KCNQ5: variants seen among roughly 807,000 people sequenced by gnomAD.
KCNQ5 encodes the protein potassium voltage-gated channel subfamily KQT member 5.
KCNQ5 carries 30 observed loss-of-function variants against 98.2 expected under a neutral mutation model. The ratio of observed to expected loss-of-function variants is 0.31; its 90% CI spans 0.23 to 0.41. KCNQ5 has a LOEUF of 0.41. KCNQ5 is among the 10% of genes least tolerant of loss of function. The probability of loss-of-function intolerance (pLI) is 1.00; values close to 1 mark genes in which losing one functional copy is unlikely to be tolerated. For synonymous variants in KCNQ5, 458 were observed against 449.4 expected, an observed-to-expected ratio of 1.02 and a Z score of -0.24; for missense variants, 835 against 1,182.5, an observed-to-expected ratio of 0.71 and a Z score of 4.31.
Position 72,860,845 on chromosome 6 carries a change from GTGTGTGTGTA to G in KCNQ5, c.399-143053_399-143044del, listed in dbSNP as rs1186317773. On this transcript the variant is annotated intron_variant, in intron 1 of 13. Coordinates refer to ENST00000370398, the MANE Select transcript of KCNQ5 (RefSeq NM_019842.4). ...CACTGTCCTTTTAAGGCATGTGTGT[GTGTGTGTGTA>G]TGTGTGTGTGTGTGTGTGTATGTTT... is the stretch of plus-strand genomic sequence containing the variant. Among the ~76,000 whole-genome samples the G allele has an allele frequency of 3.5e-5, 4 of 112,740 alleles. No individual in the cohort carries two copies. In the East Asian group the frequency reaches 8.8e-4, roughly 25 times the overall value. The allele number at this position is 112,740 out of a possible 152,430, so 74.0% of individuals were successfully genotyped here.
At chr6:72,655,034 T>C (rs779856424) in intron 1 of KCNQ5, among the ~76,000 whole-genome samples, 1,570 of 87,612 alleles carry the variant, frequency 0.018, 16 homozygotes, top group South Asian at 0.046. Context: ...CTGTCTTTCT[T>C]TCTTTCTTTC....
rs138980386 is a variant in KCNQ5, at chr6:73,175,035, T to G, written c.1577+5181T>G. Among the ~76,000 whole-genome samples the G allele has an allele frequency of 2.7e-4, 41 of 152,206 alleles. No individual in the cohort carries two copies. The East Asian group carries it at 7.7e-3, about 29-fold the overall frequency. ...TCTTTGAATCAGGGTGCTCCCATCT[T>G]CCAAAACATACACAGCCTCACCTGC... On this transcript the variant is annotated intron_variant, in intron 11 of 13. Coordinates refer to ENST00000370398, the MANE Select transcript of KCNQ5 (RefSeq NM_019842.4).
At chr6:72,829,449 T>TTCTCTC (rs10647361) in intron 1 of KCNQ5, among the ~76,000 whole-genome samples, 7 of 151,258 alleles carry the variant, frequency 4.6e-5, no homozygotes, top group African/African-American at 9.7e-5. Flanking sequence ...TCCTCTTCTC[T>TTCTCTC]TCTCTCTCTC....
intron 1 of KCNQ5, among the ~76,000 whole-genome samples, chr6:72,924,699 A>G (rs1461844777): frequency 1.3e-5 from 2 of 152,062 alleles, no homozygotes; most frequent in African/African-American, 4.8e-5. Flanking sequence ...ACACACCTTC[A>G]ACACTTCGAC....
rs35791353 is a variant in KCNQ5, at chr6:73,194,466, A to C, written c.1851A>C (p.Glu617Asp). 5.6e-6 allele frequency: 9 copies of C among 1,613,472 alleles called. No homozygotes were observed. The highest frequency in any genetic ancestry group is 7.6e-6 in the Non-Finnish European group (9 of 1,179,426). ...CTCACTTCTAGGTACAGTCCATAGAATCCAAGCTGGACTGCCTACTAGACA... is the reference window on the plus strand; with the variant it reads ...CTCACTTCTAGGTACAGTCCATAGACTCCAAGCTGGACTGCCTACTAGACA... ...VKVEKQVQSI[E>D]SKLDCLLDIY... is the part of the protein sequence containing the mutation. Residue 617 changes from glutamate to aspartate, a missense_variant, in exon 14 of 14, where the codon GAA (glutamate) becomes GAC (aspartate). Physicochemically the swap from Glu to Asp is conservative, Grantham distance 45. Around this residue, in one of 10 missense-constraint regions of KCNQ5, gnomAD observed 416 missense variants for 446.9 expected, o/e 0.93. Coordinates refer to ENST00000370398, the MANE Select transcript of KCNQ5 (RefSeq NM_019842.4).
Position 72,920,578 on chromosome 6 carries a change from G to A in KCNQ5, c.399-83330G>A, listed in dbSNP as rs183069188. Among the ~76,000 whole-genome samples, 103 of 152,242 alleles carry A rather than the reference G, an allele frequency of 6.8e-4. 1 individual carries two copies. The highest frequency in any genetic ancestry group is 2.4e-4 in the Non-Finnish European group (16 of 68,022). ...CACTCAGGTGTTATTTCAGAATCAG[G>A]AAACTCAAACCTTTAACATTTTTCT... is the stretch of plus-strand genomic sequence containing the variant. On this transcript the variant is annotated intron_variant, in intron 1 of 13. Coordinates refer to ENST00000370398, the MANE Select transcript of KCNQ5 (RefSeq NM_019842.4).
At chr6:73,051,335 C>T (rs1195005978) in intron 3 of KCNQ5, among the ~76,000 whole-genome samples, 1 of 152,218 alleles carries the variant, frequency 6.6e-6, no homozygotes, top group East Asian at 1.9e-4. Context: ...GCCACCAGCA[C>T]TCTGCCCCAG....
intron 1 of KCNQ5, among the ~76,000 whole-genome samples, chr6:72,917,766 C>T (rs367961271): frequency 3.9e-5 from 6 of 152,078 alleles, no homozygotes; most frequent in South Asian, 4.1e-4. Flanking sequence ...TCACCATGCG[C>T]GGCCAGGAGC....
intron 1 of KCNQ5, among the ~76,000 whole-genome samples, chr6:72,963,825 G>T (rs1767485586): frequency 6.6e-6 from 1 of 152,000 alleles, no homozygotes; most frequent in Non-Finnish European, 1.5e-5. Flanking sequence ...ACCACATCTG[G>T]CTAATTGTTA....
chr6:72,624,835 C>G (rs924333899), intron 1 of KCNQ5, among the ~76,000 whole-genome samples: 1 of 152,094 alleles, frequency 6.6e-6, no homozygotes, highest in African/African-American at 2.4e-5. Flanking sequence ...CTAAGCAGAC[C>G]CTGAGGAAAG....
rs1394578941 is a variant in KCNQ5, at chr6:73,133,123, C to T, written c.1248-298C>T. Among the ~76,000 whole-genome samples the T allele has an allele frequency of 2.6e-5, 4 of 152,058 alleles. No homozygotes were observed. In the East Asian group the frequency reaches 7.7e-4, roughly 29 times the overall value. On this transcript the variant is annotated intron_variant, in intron 9 of 13. Coordinates refer to ENST00000370398, the MANE Select transcript of KCNQ5 (RefSeq NM_019842.4). ...ACTGTTTTTCAAGTGAATTCCAAAACAGTTCTTAGTTATCTACAGTGTAAT... is the reference window on the plus strand; with the variant it reads ...ACTGTTTTTCAAGTGAATTCCAAAATAGTTCTTAGTTATCTACAGTGTAAT...
chr6:72,977,613 T>C (rs1768217659), intron 1 of KCNQ5, among the ~76,000 whole-genome samples: 1 of 152,304 alleles, frequency 6.6e-6, no homozygotes, highest in Admixed American at 6.5e-5. Context: ...GCTTGATGAC[T>C]TTAGGGGTTT....
At chr6:72,839,007 T>G (rs1776661835) in intron 1 of KCNQ5, among the ~76,000 whole-genome samples, 1 of 151,398 alleles carries the variant, frequency 6.6e-6, no homozygotes, top group East Asian at 1.9e-4. Context: ...TGCATATTTT[T>G]GTTCTCACCT....
At chr6:72,850,773 A>G (rs1777220654) in intron 1 of KCNQ5, among the ~76,000 whole-genome samples, 1 of 151,848 alleles carries the variant, frequency 6.6e-6, no homozygotes, top group South Asian at 2.1e-4. Flanking sequence ...TGTGTGCTTT[A>G]TTAATATGTA....
chr6:72,691,900 C>T (rs1046682500), intron 1 of KCNQ5, among the ~76,000 whole-genome samples: 2 of 152,154 alleles, frequency 1.3e-5, no homozygotes, highest in African/African-American at 4.8e-5. Context: ...TATTTTGTGT[C>T]AGTAGAATTG....
chr6:72,720,926 T>C (rs1769922953), intron 1 of KCNQ5, among the ~76,000 whole-genome samples: 1 of 152,214 alleles, frequency 6.6e-6, no homozygotes, highest in African/African-American at 2.4e-5. Context: ...GTAGATTTTA[T>C]ATTTAAGTTT....
intron 1 of KCNQ5, among the ~76,000 whole-genome samples, chr6:72,774,588 G>A (rs1773069503): frequency 6.6e-6 from 1 of 151,136 alleles, no homozygotes; most frequent in South Asian, 2.1e-4. Flanking sequence ...ATTCAACAAA[G>A]AATTTATATC....
chr6:73,055,594 A>G (rs970127279), intron 3 of KCNQ5: 5 of 1,339,098 alleles, frequency 3.7e-6, no homozygotes, highest in African/African-American at 1.4e-5. Flanking sequence ...TCTGGAATGA[A>G]GAAGTATTTC....
chr6:73,067,624 A>G (rs1352804541), intron 3 of KCNQ5, among the ~76,000 whole-genome samples: 2 of 152,156 alleles, frequency 1.3e-5, no homozygotes, highest in Non-Finnish European at 2.9e-5. Context: ...TTGAAGGGCT[A>G]TTATGGAGAA....
Sources: gnomAD v4.1 joint callset for allele counts (sites outside exome capture counted in the v4.1 genomes callset) on GRCh38, gnomAD v4.1.1 for gene constraint, gnomAD v4.1.1 regional missense constraint, MANE v1.5 for transcripts, NCBI Gene and HGNC (gene_info 2026-07-23, HGNC 2026-07-21) for gene names.